NAALADL2: variants seen among roughly 807,000 people sequenced by gnomAD.
NAALADL2 encodes inactive N-acetylated-alpha-linked acidic dipeptidase-like protein 2.
In NAALADL2, 76 loss-of-function variants were observed where a neutral mutation model predicts 87.2. The observed-to-expected ratio is 0.87, with a 90% CI of 0.72 to 1.05. NAALADL2 has a LOEUF of 1.05. Among genes scored for constraint, NAALADL2 ranks in the 50% least tolerant of loss-of-function variants. The pLI, the probability that NAALADL2 is intolerant of heterozygous loss-of-function variation, is 0.00. For missense variants in NAALADL2, 1,089 were observed against 945.8 expected, an observed-to-expected ratio of 1.15 and a Z score of -1.99; for synonymous variants, 354 against 331.0, an observed-to-expected ratio of 1.07 and a Z score of -0.75.
chr3:175,635,608 A>G (rs529070421), intron 11 of NAALADL2, among the ~76,000 whole-genome samples: 1 of 152,312 alleles, frequency 6.6e-6, no homozygotes, highest in South Asian at 2.1e-4. Context: ...GTCTCATTCC[A>G]TAAAGTAACA....
chr3:175,108,541 TG>T, intron 2 of NAALADL2, among the ~76,000 whole-genome samples: 1 of 152,016 alleles, frequency 6.6e-6, no homozygotes, highest in South Asian at 2.1e-4. Flanking sequence ...AAAACAAGTG[TG>T]GGTGTTTTCT....
chr3:175,431,259 A>C (rs1476836755), intron 5 of NAALADL2, among the ~76,000 whole-genome samples: 1 of 152,098 alleles, frequency 6.6e-6, no homozygotes, highest in Non-Finnish European at 1.5e-5. Context: ...AGTTGGGCAT[A>C]CTGCAGAAAT....
At chr3:175,094,618 C>A (rs1720779745) in intron 1 of NAALADL2, among the ~76,000 whole-genome samples, 1 of 150,878 alleles carries the variant, frequency 6.6e-6, no homozygotes, top group Admixed American at 6.6e-5. Context: ...GAAACAAGAC[C>A]AAACAAGAAG....
chr3:175,199,864 A>ATAATTTTTTT (rs1560154077), intron 2 of NAALADL2, among the ~76,000 whole-genome samples: 1 of 13,058 alleles, frequency 7.7e-5, no homozygotes, highest in African/African-American at 2.3e-4. Flanking sequence ...ATATATATAT[A>ATAATTTTTTT]TTTTTTTTTT....
At chr3:174,795,945 G>T (rs918077547) in intron 3 of NAALADL2, among the ~76,000 whole-genome samples, 14 of 152,120 alleles carry the variant, frequency 9.2e-5, no homozygotes, top group African/African-American at 3.4e-4. Context: ...GTTATGAAAT[G>T]CATTGTTTCC....
intron 5 of NAALADL2, among the ~76,000 whole-genome samples, chr3:175,387,370 A>G (rs958828879): frequency 1.3e-5 from 2 of 152,120 alleles, no homozygotes; most frequent in Non-Finnish European, 1.5e-5. Context: ...ACTTCTATAA[A>G]GAGAAAATTC....
intron 1 of NAALADL2, among the ~76,000 whole-genome samples, chr3:174,461,959 A>T (rs543045029): frequency 1.3e-5 from 2 of 152,138 alleles, no homozygotes; most frequent in East Asian, 3.9e-4. Flanking sequence ...TAAAATAGCA[A>T]TTTGAGATGG....
chr3:174,689,002 C>CA (rs879774715), intron 2 of NAALADL2, among the ~76,000 whole-genome samples: 436 of 136,750 alleles, frequency 3.2e-3, no homozygotes, highest in East Asian at 8.0e-3. Context: ...ACTACATCAG[C>CA]AAAAAAAAAA....
rs1471546037 is a variant in NAALADL2, at chr3:174,786,455, A to AT, written c.-9+48709_-9+48710insT. 1.5e-3 allele frequency among the ~76,000 whole-genome samples: 213 copies of AT among 137,760 alleles called. 2 individuals are homozygous for AT. Among genetic ancestry groups the AT allele is most frequent in the Middle Eastern group, 4.0e-3 (1 of 252 alleles). 90.4% of individuals were successfully genotyped at this position (137,760 alleles called of 152,430 possible). A position where few individuals can be genotyped will look rare whatever the true frequency, so the allele number is the denominator to read the frequency against. ...GACAGAGCAGACTCTGTCTCAAAAA[A>AT]AAAAAAAAAAATAATAAATAAATGA... On this transcript the variant is annotated intron_variant, in intron 3 of 3. Transcript: ENST00000434257.
chr3:175,012,726 G>A (rs1372152048), intron 1 of NAALADL2, among the ~76,000 whole-genome samples: 1 of 151,870 alleles, frequency 6.6e-6, no homozygotes. Flanking sequence ...TGGAAATTGA[G>A]TAGTTGTGAC....
chr3:175,674,430 T>G (rs1445402021), intron 11 of NAALADL2, among the ~76,000 whole-genome samples: 1 of 151,228 alleles, frequency 6.6e-6, no homozygotes, highest in African/African-American at 2.5e-5. Flanking sequence ...TGGCTAATGT[T>G]TTTTTTTGCA....
chr3:175,036,101 A>G (rs1297509529), intron 1 of NAALADL2, among the ~76,000 whole-genome samples: 1 of 152,168 alleles, frequency 6.6e-6, no homozygotes, highest in Non-Finnish European at 1.5e-5. Flanking sequence ...TTATGGTAAG[A>G]TACACTAGTT....
At chr3:175,214,858 T>C (rs977697263) in intron 2 of NAALADL2, among the ~76,000 whole-genome samples, 4 of 152,320 alleles carry the variant, frequency 2.6e-5, no homozygotes, top group East Asian at 3.9e-4. Context: ...GACATTCTTG[T>C]ACATTAGTTT....
chr3:174,850,945 T>C (rs1331181810), intron 3 of NAALADL2, among the ~76,000 whole-genome samples: 2 of 151,918 alleles, frequency 1.3e-5, no homozygotes, highest in Admixed American at 6.6e-5. Context: ...AACTAGAGAG[T>C]TGTAACCAGA....
chr3:175,583,750 A>C (rs1720135041), intron 10 of NAALADL2, among the ~76,000 whole-genome samples: 1 of 152,244 alleles, frequency 6.6e-6, no homozygotes, highest in African/African-American at 2.4e-5. Context: ...ACAGGTTTTT[A>C]ATTAAAATAC....
intron 11 of NAALADL2, among the ~76,000 whole-genome samples, chr3:175,698,483 T>TATATATATATATATATA (rs1560995887): frequency 1.5e-5 from 1 of 67,740 alleles, no homozygotes; most frequent in Non-Finnish European, 2.8e-5. Flanking sequence ...GTATATATAT[T>TATATATATATATATATA]TATATATATA....
chr3:174,919,015 C>A (rs554423057), intron 1 of NAALADL2, among the ~76,000 whole-genome samples: 1 of 151,350 alleles, frequency 6.6e-6, no homozygotes, highest in Non-Finnish European at 1.5e-5. Context: ...TCTACTACAG[C>A]CTATTAGGGT....
At chr3:175,332,620 A>G (rs1581457743) in intron 5 of NAALADL2, among the ~76,000 whole-genome samples, 1 of 152,162 alleles carries the variant, frequency 6.6e-6, no homozygotes, top group Non-Finnish European at 1.5e-5. Context: ...ATTTTTTTCT[A>G]AATTTGTTGA....
intron 1 of NAALADL2, among the ~76,000 whole-genome samples, chr3:174,960,291 G>A (rs775816852): frequency 6.6e-6 from 1 of 152,064 alleles, no homozygotes; most frequent in Non-Finnish European, 1.5e-5. Context: ...GGGTATGTCA[G>A]AATTAGTATA....
Sources: allele counts gnomAD v4.1 joint callset (sites outside exome capture counted in the v4.1 genomes callset), GRCh38; gene constraint gnomAD v4.1.1; transcripts MANE v1.5; gene names NCBI Gene and HGNC (gene_info 2026-07-23, HGNC 2026-07-21).